The following FCGR1A variants were observed in gnomAD, a reference collection of about 807,000 sequenced individuals.
FCGR1A encodes high affinity immunoglobulin gamma Fc receptor I.
Under a neutral mutation model 35.0 loss-of-function variants are expected in FCGR1A, and 13 were observed. The ratio of observed to expected loss-of-function variants is 0.37; its 90% confidence interval spans 0.24 to 0.59. The LOEUF is 0.59. Ranked by LOEUF, FCGR1A falls within the 20% of genes least tolerant of loss-of-function variation. The pLI is 0.71. For missense variants in FCGR1A, 227 were observed against 430.0 expected (o/e 0.53, Z 4.17); for synonymous variants, 91 against 164.7 (o/e 0.55, Z 3.43).
downstream of FCGR1A, among the ~76,000 whole-genome samples, chr1:149,796,425 T>C (rs1374845341): frequency 6.6e-6 from 1 of 152,196 alleles, no homozygotes; most frequent in Non-Finnish European, 1.5e-5. Context: ...TGGCGTGATA[T>C]CCAGTGAAAC....
intron 4 of FCGR1A, 125 bp from the exon 5 acceptor site, chr1:149,789,929 G>C (rs674272): frequency 7.6e-6 from 12 of 1,584,990 alleles, no homozygotes; most frequent in African/African-American, 1.4e-5. Flanking sequence ...GAAGTAAAAA[G>C]GGTTAATGCC....
At chr1:149,794,353 C>T (rs1286966328), downstream of FCGR1A, among the ~76,000 whole-genome samples, 7 of 151,512 alleles carry the variant, frequency 4.6e-5, no homozygotes, top group East Asian at 1.9e-4. Context: ...AGGAGGGGAA[C>T]GGGGTAGCAA....
intron 3 of FCGR1A, chr1:149,786,873 A>C (rs1291707005): frequency 1.3e-5 from 2 of 152,212 alleles, no homozygotes; most frequent in Admixed American, 6.5e-5. Flanking sequence ...ACATGGTATC[A>C]GTTCATTAGT....
At chr1:149,785,904 T>G (rs1219909311) in intron 3 of FCGR1A, 2 of 152,116 alleles carry the variant, frequency 1.3e-5, no homozygotes, top group African/African-American at 4.8e-5. Context: ...TGGGACAGGA[T>G]GTACTCTTTT....
the FCGR1A span, among the ~76,000 whole-genome samples, chr1:149,799,361 T>C: frequency 2.0e-5 from 3 of 152,256 alleles, no homozygotes; most frequent in Non-Finnish European, 2.9e-5. Flanking sequence ...GAAATTTCTC[T>C]TTGTTCCCAA....
intron 3 of FCGR1A, among the ~76,000 whole-genome samples, chr1:149,784,472 A>T: frequency 6.6e-6 from 1 of 152,142 alleles, no homozygotes; most frequent in Non-Finnish European, 1.5e-5. Context: ...AGCTCTAAGT[A>T]GGATGTCTAG....
intron 3 of FCGR1A, chr1:149,788,001 ATTCTGT>A (rs2091597884): frequency 3.0e-6 from 1 of 329,358 alleles, no homozygotes; most frequent in Non-Finnish European, 5.9e-6. Context: ...CCCTTGTCAT[ATTCTGT>A]TGGCTAGAAG....
chr1:149,789,501 A>ACTGACCAG, intron 4 of FCGR1A, among the ~76,000 whole-genome samples: 1 of 152,326 alleles, frequency 6.6e-6, no homozygotes, highest in Non-Finnish European at 1.5e-5. Flanking sequence ...GGGCATGGTT[A>ACTGACCAG]CTGACCAGAT....
At chr1:149,786,880 T>C (rs2091566306) in intron 3 of FCGR1A, 1 of 152,206 alleles carries the variant, frequency 6.6e-6, no homozygotes, top group African/African-American at 2.4e-5. Flanking sequence ...ATCAGTTCAT[T>C]AGTATTTGTT....
At chr1:149,792,614 A>G, downstream of FCGR1A, 1 of 1,227,080 alleles carries the variant, frequency 8.1e-7, no homozygotes, top group Non-Finnish European at 1.0e-6. Context: ...CCCTGGCGCC[A>G]CACTGTGGCC....
chr1:149,788,295 C>A, intron 3 of FCGR1A, 71 bp from the exon 4 acceptor site: 1 of 1,610,474 alleles, frequency 6.2e-7, no homozygotes. Flanking sequence ...ATAGGAAGCC[C>A]ACAGGGCCAA....
At chr1:149,797,551 TCTTA>T in the FCGR1A span, among the ~76,000 whole-genome samples, 2 of 152,194 alleles carry the variant, frequency 1.3e-5, no homozygotes, top group Non-Finnish European at 2.9e-5. Flanking sequence ...TATGCTTTCA[TCTTA>T]CTTTATGCCT....
chr1:149,792,550 G>A (rs1347659930), downstream of FCGR1A: 1 of 1,176,724 alleles, frequency 8.5e-7, no homozygotes, highest in Non-Finnish European at 1.1e-6. Flanking sequence ...TATTTGGTTT[G>A]ATCCGTAAAT....
chr1:149,785,764 C>G (rs1487202473), intron 3 of FCGR1A: 9 of 151,982 alleles, frequency 5.9e-5, no homozygotes, highest in Non-Finnish European at 1.2e-4. Flanking sequence ...AAACAGCATC[C>G]AGATCTATTT....
rs1184328798 is a variant in FCGR1A at position 149,789,388 on chromosome 1, G to A, written c.560-666G>A. ...AGCCTGGGCAACAGAGCGAGACTAC[G>A]TCTCAAATAATAATAATAATAATAA... On this transcript the variant is annotated intron_variant, in intron 4 of 5. Transcript: ENST00000369168. 8.4e-5 allele frequency among the ~76,000 whole-genome samples: 11 copies of A among 130,786 alleles called. No homozygotes were observed. In the South Asian group the frequency reaches 9.0e-4, roughly 11 times the overall value. The allele number at this position is 130,786 out of a possible 152,430, so 85.8% of individuals were successfully genotyped here. A position where few individuals can be genotyped will look rare whatever the true frequency, so the allele number is the denominator to read the frequency against.
At chr1:149,798,903 A>G in the FCGR1A span, among the ~76,000 whole-genome samples, 2 of 151,834 alleles carry the variant, frequency 1.3e-5, no homozygotes, top group African/African-American at 4.8e-5. Context: ...GTGACCCACC[A>G]TGTAAGCCCA....
At chr1:149,784,960 C>T (rs2091502377) in intron 3 of FCGR1A, among the ~76,000 whole-genome samples, 1 of 151,884 alleles carries the variant, frequency 6.6e-6, no homozygotes, top group African/African-American at 2.4e-5. Context: ...TATCTTTATA[C>T]ATACATTCCG....
chr1:149,798,538 C>T, the FCGR1A span, among the ~76,000 whole-genome samples: 2 of 151,350 alleles, frequency 1.3e-5, no homozygotes, highest in African/African-American at 4.9e-5. Context: ...AATTCATGGT[C>T]ATTCCTTAAT....
chr1:149,789,393 A>AGAT (rs1553751360), intron 4 of FCGR1A, among the ~76,000 whole-genome samples: 3 of 148,782 alleles, frequency 2.0e-5, no homozygotes, highest in African/African-American at 7.6e-5. Context: ...ACTACGTCTC[A>AGAT]AATAATAATA....
Sources: gnomAD v4.1 joint callset for allele counts (sites outside exome capture counted in the v4.1 genomes callset) on GRCh38, gnomAD v4.1.1 for gene constraint, MANE v1.5 for transcripts, NCBI Gene and HGNC (gene_info 2026-07-23, HGNC 2026-07-21) for gene names.